The following ASB3 variants were observed in gnomAD, a reference collection of about 807,000 sequenced individuals.
The protein encoded by ASB3 is ankyrin repeat and SOCS box containing 3.
In ASB3, 41 loss-of-function variants were observed where a neutral mutation model predicts 54.5. The ratio of observed to expected loss-of-function variants is 0.75; its 90% CI spans 0.59 to 0.98. The LOEUF (loss-of-function observed/expected upper bound fraction) is 0.98, where lower values mean the gene tolerates loss of function less well. Among genes scored for constraint, ASB3 ranks in the 50% least tolerant of loss-of-function variants. The pLI is 0.00. For missense variants in ASB3, 733 were observed against 620.0 expected, an observed-to-expected ratio of 1.18 and a Z score of -1.94; for synonymous variants, 266 against 221.2, an observed-to-expected ratio of 1.20 and a Z score of -1.80.
intron 6 of ASB3, 89 bp downstream of exon 6, chr2:53,716,477 T>TTA: frequency 1.4e-6 from 2 of 1,476,202 alleles, no homozygotes; most frequent in Non-Finnish European, 1.8e-6. Flanking sequence ...ATCAAAGACT[T>TTA]TGCCTAGAGG....
rs1309450776 is a variant in ASB3 at position 53,700,337 on chromosome 2, T to A, written c.1172A>T (p.Tyr391Phe). Residue 391 changes from tyrosine to phenylalanine, a missense_variant, in exon 8 of 10, where the codon TAT (tyrosine) becomes TTT (phenylalanine). Coordinates refer to ENST00000263634, the MANE Select transcript of ASB3 (RefSeq NM_016115.5). ...CAGAAGATGTGGCAACCACTCCTTATATTTTGCTTGTGCTTTAATTGCATG... is the reference window on the plus strand; with the variant it reads ...CAGAAGATGTGGCAACCACTCCTTAAATTTTGCTTGTGCTTTAATTGCATG... Reference protein sequence around the residue: ...VNHAIKAQAKYKEWLPHLLVA... With the variant: ...VNHAIKAQAKFKEWLPHLLVA... 6.2e-7 allele frequency: 1 copy of A among 1,614,146 alleles called. No individual in the cohort carries two copies.
At chr2:53,774,859 A>G in intron 1 of ASB3, 1 of 183,206 alleles carries the variant, frequency 5.5e-6, no homozygotes, top group Non-Finnish European at 1.1e-5. Context: ...GAAATTCTAA[A>G]CAATTAAACC....
intron 9 of ASB3, among the ~76,000 whole-genome samples, chr2:53,689,769 T>C (rs1041520595): frequency 6.6e-6 from 1 of 152,322 alleles, no homozygotes; most frequent in Admixed American, 6.5e-5. Flanking sequence ...CCTGGAGTAC[T>C]TACCCTACCA....
intron 3 of ASB3, among the ~76,000 whole-genome samples, chr2:53,732,042 C>T (rs748372684): frequency 3.9e-5 from 6 of 152,066 alleles, no homozygotes; most frequent in Non-Finnish European, 8.8e-5. Context: ...ACTGCAACCT[C>T]CCTGTCCTGG....
intron 9 of ASB3, among the ~76,000 whole-genome samples, chr2:53,683,393 A>C (rs1572837231): frequency 6.7e-6 from 1 of 149,716 alleles, no homozygotes; most frequent in African/African-American, 2.4e-5. Context: ...ATCAATATTC[A>C]TCAGGGATAC....
chr2:53,707,704 T>C (rs1669862224), intron 7 of ASB3, among the ~76,000 whole-genome samples: 1 of 149,076 alleles, frequency 6.7e-6, no homozygotes, highest in Admixed American at 6.7e-5. Context: ...CTCACGCCTG[T>C]AATCCCAACA....
intron 3 of ASB3, among the ~76,000 whole-genome samples, chr2:53,732,947 G>C (rs907900931): frequency 1.3e-5 from 2 of 152,156 alleles, no homozygotes; most frequent in African/African-American, 4.8e-5. Context: ...TAACTGTGCT[G>C]AATGGTTTGC....
chr2:53,733,324 A>C (rs1340520249), intron 3 of ASB3, among the ~76,000 whole-genome samples: 1 of 152,190 alleles, frequency 6.6e-6, no homozygotes, highest in African/African-American at 2.4e-5. Context: ...TTTATATTAT[A>C]TTCTGTGTAG....
Position 53,750,219 on chromosome 2 carries a change from C to G in ASB3, c.355+564G>C, listed in dbSNP as rs544286001. On this transcript the variant is annotated intron_variant, in intron 3 of 9. Coordinates refer to ENST00000263634, the MANE Select transcript of ASB3 (RefSeq NM_016115.5). ...CAATGTCCCTGAAGACAAATAGAATCGAATAGAAAAAAGGAGGAAAAGAAG... is the reference window on the plus strand; with the variant it reads ...CAATGTCCCTGAAGACAAATAGAATGGAATAGAAAAAAGGAGGAAAAGAAG... 5.9e-5 allele frequency among the ~76,000 whole-genome samples: 9 copies of G among 151,482 alleles called. No homozygotes were observed. In the South Asian group the frequency reaches 1.7e-3, roughly 28 times the overall value.
intron 3 of ASB3, among the ~76,000 whole-genome samples, chr2:53,737,935 C>T (rs1671734782): frequency 6.6e-6 from 1 of 151,794 alleles, no homozygotes; most frequent in Non-Finnish European, 1.5e-5. Context: ...TGATTTAAAA[C>T]CTAAAGAAAC....
chr2:53,768,520 C>CA (rs1673660810), intron 1 of ASB3, among the ~76,000 whole-genome samples: 2 of 152,166 alleles, frequency 1.3e-5, no homozygotes, highest in African/African-American at 4.8e-5. Context: ...TTACATCTTT[C>CA]AAAAGTTTTA....
chr2:53,768,642 A>G (rs1211754867), intron 1 of ASB3, among the ~76,000 whole-genome samples: 2 of 152,238 alleles, frequency 1.3e-5, no homozygotes, highest in Non-Finnish European at 2.9e-5. Flanking sequence ...GGTTATATGA[A>G]TAACATAGTA....
intron 9 of ASB3, among the ~76,000 whole-genome samples, chr2:53,677,875 G>C (rs1668164975): frequency 6.6e-6 from 1 of 152,064 alleles, no homozygotes; most frequent in Non-Finnish European, 1.5e-5. Context: ...TACATGTTAA[G>C]GACAAGGCTC....
At chr2:53,773,322 C>G (rs1200897592) in intron 1 of ASB3, among the ~76,000 whole-genome samples, 1 of 152,028 alleles carries the variant, frequency 6.6e-6, no homozygotes, top group Admixed American at 6.6e-5. Context: ...CTTGCTGTGC[C>G]TATGATACAA....
intron 3 of ASB3, among the ~76,000 whole-genome samples, chr2:53,738,932 C>T (rs1467216166): frequency 6.6e-6 from 1 of 152,060 alleles, no homozygotes; most frequent in Admixed American, 6.5e-5. Flanking sequence ...AAGACTTTCC[C>T]CTCTTCAATC....
intron 9 of ASB3, among the ~76,000 whole-genome samples, chr2:53,673,902 G>A (rs1008556772): frequency 1.3e-5 from 2 of 152,320 alleles, no homozygotes; most frequent in East Asian, 1.9e-4. Flanking sequence ...ATGTTCAGCT[G>A]AACTGAGGGA....
At position 53,765,402 on chromosome 2, in the gene ASB3, T is replaced by A. The variant is rs146185296; in HGVS notation, c.171A>T (p.Glu57Asp). 3.7e-6 allele frequency: 6 copies of A among 1,614,110 alleles called. No homozygotes were observed. Among genetic ancestry groups the A allele is most frequent in the Non-Finnish European group, 5.1e-6 (6 of 1,180,042 alleles). Residue 57 changes from glutamate (E) to aspartate (D), a missense_variant, in exon 2 of 10, where the codon GAA becomes GAT. By Grantham distance (45) the Glu-to-Asp change is conservative (BLOSUM62 2). Coordinates refer to ENST00000263634, the MANE Select transcript of ASB3 (RefSeq NM_016115.5). ...CTGCATTAATTAACATTTGCAAACA[T>A]TCTACAGAGTTGTGATAAGCTGCTT... The part of the protein sequence containing the change: ...IHEAAYHNSV[E>D]CLQMLINADS...
chr2:53,784,429 A>G (rs1298751468), intron 1 of ASB3, among the ~76,000 whole-genome samples: 2 of 152,184 alleles, frequency 1.3e-5, no homozygotes, highest in African/African-American at 4.8e-5. Context: ...TACCTTCCTG[A>G]GGCTGCTGTA....
intron 9 of ASB3, among the ~76,000 whole-genome samples, chr2:53,691,533 G>GT (rs1668910093): frequency 6.6e-6 from 1 of 152,178 alleles, no homozygotes; most frequent in Admixed American, 6.5e-5. Context: ...AAGAAGGTCA[G>GT]TTTTGTAAAG....
Sources: gnomAD v4.1 joint callset for allele counts (sites outside exome capture counted in the v4.1 genomes callset) on GRCh38, gnomAD v4.1.1 for gene constraint, MANE v1.5 for transcripts, NCBI Gene and HGNC (gene_info 2026-07-23, HGNC 2026-07-21) for gene names.